ZNG1E: variants seen among roughly 807,000 people sequenced by gnomAD.
The protein encoded by ZNG1E is zinc-regulated GTPase metalloprotein activator 1E.
chr9:65,691,010 T>G, the ZNG1E span: 25 of 1,604,744 alleles, frequency 1.6e-5, no homozygotes, highest in Admixed American at 1.7e-4. Flanking sequence ...AATTAGGGAG[T>G]GATATTTACC....
At chr9:65,714,827 T>C in the ZNG1E span, among the ~76,000 whole-genome samples, 1 of 151,962 alleles carries the variant, frequency 6.6e-6, no homozygotes, top group Non-Finnish European at 1.5e-5. Flanking sequence ...CACTTAAGTC[T>C]GCGGAGGTTA....
the ZNG1E span, among the ~76,000 whole-genome samples, chr9:65,680,056 GCTTAA>G: frequency 2.3e-4 from 35 of 152,220 alleles, no homozygotes; most frequent in Non-Finnish European, 3.8e-4. Context: ...AAATAAGTGT[GCTTAA>G]CTTCTCAACT....
the ZNG1E span, among the ~76,000 whole-genome samples, chr9:65,658,772 G>T: frequency 1.8e-4 from 20 of 110,638 alleles, no homozygotes; most frequent in African/African-American, 7.1e-4. Context: ...CAGCAGTTTC[G>T]TTTTTCCTGA....
the ZNG1E span, chr9:65,691,071 T>G: frequency 2.5e-6 from 4 of 1,588,104 alleles, no homozygotes; most frequent in Admixed American, 3.7e-5. Flanking sequence ...GTTTTTTTTT[T>G]GTTTTTGTTT....
chr9:65,661,873 T>TTG, the ZNG1E span, among the ~76,000 whole-genome samples: 1 of 152,266 alleles, frequency 6.6e-6, no homozygotes, highest in Non-Finnish European at 1.5e-5. Flanking sequence ...ACTCATTGAG[T>TTG]TGTACACTTA....
At chr9:65,657,736 A>G in the ZNG1E span, among the ~76,000 whole-genome samples, 1 of 152,274 alleles carries the variant, frequency 6.6e-6, no homozygotes, top group African/African-American at 2.4e-5. Flanking sequence ...TAGTTACACA[A>G]AAAAAGGATA....
At chr9:65,677,889 A>G in the ZNG1E span, among the ~76,000 whole-genome samples, 250 of 150,062 alleles carry the variant, frequency 1.7e-3, no homozygotes, top group African/African-American at 5.9e-3. Context: ...TAGGTTCTCC[A>G]TAGCATTTTG....
chr9:65,661,210 A>G, the ZNG1E span, among the ~76,000 whole-genome samples: 1 of 120,266 alleles, frequency 8.3e-6, no homozygotes, highest in African/African-American at 4.1e-5. Context: ...TCACTAGGTT[A>G]ATAAAATTGG....
the ZNG1E span, chr9:65,683,229 ATC>A: frequency 2.0e-5 from 3 of 150,530 alleles, no homozygotes; most frequent in African/African-American, 7.5e-5. Flanking sequence ...GGATACCAAA[ATC>A]TATTAATGTT....
At chr9:65,662,725 T>C in the ZNG1E span, among the ~76,000 whole-genome samples, 808 of 151,910 alleles carry the variant, frequency 5.3e-3, no homozygotes, top group Middle Eastern at 0.014. Context: ...GTAATAAAAA[T>C]AAAAATTGTT....
chr9:65,662,841 T>G, the ZNG1E span, among the ~76,000 whole-genome samples: 1 of 152,028 alleles, frequency 6.6e-6, no homozygotes, highest in Non-Finnish European at 1.5e-5. Context: ...CTCTTGTATT[T>G]TAAACCTAAA....
the ZNG1E span, among the ~76,000 whole-genome samples, chr9:65,671,263 T>C: frequency 1.3e-5 from 2 of 151,502 alleles, no homozygotes; most frequent in African/African-American, 4.8e-5. Context: ...CATTGGAAAA[T>C]AGCAGAACAC....
the ZNG1E span, among the ~76,000 whole-genome samples, chr9:65,667,115 C>A: frequency 6.6e-6 from 1 of 152,264 alleles, no homozygotes; most frequent in African/African-American, 2.4e-5. Context: ...GCCACCGTAC[C>A]CGGCCCACCA....
chr9:65,727,554 C>G, the ZNG1E span, among the ~76,000 whole-genome samples: 1 of 132,424 alleles, frequency 7.6e-6, no homozygotes, highest in Non-Finnish European at 1.6e-5. Context: ...AAGGGATGGA[C>G]CAAGACATTT....
chr9:65,686,655 T>TA, the ZNG1E span, among the ~76,000 whole-genome samples: 1 of 152,216 alleles, frequency 6.6e-6, no homozygotes, highest in East Asian at 1.9e-4. Context: ...AATAAATAAA[T>TA]AAAAAATAAG....
the ZNG1E span, among the ~76,000 whole-genome samples, chr9:65,667,551 T>C: frequency 6.6e-6 from 1 of 152,164 alleles, no homozygotes; most frequent in African/African-American, 2.4e-5. Flanking sequence ...CTATGGCTAA[T>C]CAACATACTT....
At chr9:65,711,821 TG>T in the ZNG1E span, among the ~76,000 whole-genome samples, 2 of 124,994 alleles carry the variant, frequency 1.6e-5, no homozygotes, top group Non-Finnish European at 3.2e-5. Context: ...TTCTCTTTTT[TG>T]GTTGTGTCTC....
At chr9:65,669,494 C>CT in the ZNG1E span, among the ~76,000 whole-genome samples, 1 of 148,510 alleles carries the variant, frequency 6.7e-6, no homozygotes, top group Non-Finnish European at 1.5e-5. Context: ...CATTGCAAAA[C>CT]ATTTTTTTTC....
the ZNG1E span, among the ~76,000 whole-genome samples, chr9:65,675,619 C>G: frequency 6.7e-6 from 1 of 149,252 alleles, no homozygotes; most frequent in Non-Finnish European, 1.5e-5. Flanking sequence ...TTCCAGCAGG[C>G]TAGCCTCAGC....
Sources: gnomAD v4.1 joint callset for allele counts (sites outside exome capture counted in the v4.1 genomes callset) on GRCh38, gnomAD v4.1.1 for gene constraint, MANE v1.5 for transcripts, NCBI Gene and HGNC (gene_info 2026-07-23, HGNC 2026-07-21) for gene names.